GRM8: variants seen among roughly 807,000 people sequenced by gnomAD.
The protein encoded by GRM8 is metabotropic glutamate receptor 8.
GRM8 carries 47 observed loss-of-function variants against 87.2 expected under a neutral mutation model. The observed-to-expected ratio is 0.54, with a 90% CI of 0.43 to 0.69. GRM8 has a LOEUF of 0.69. GRM8 is among the 30% of genes least tolerant of loss of function. The probability of loss-of-function intolerance (pLI) is 0.00; values close to 1 mark genes in which losing one functional copy is unlikely to be tolerated. For missense variants in GRM8, 1,019 were observed against 1,139.2 expected (o/e 0.89, Z 1.52); for synonymous variants, 396 against 404.5 (o/e 0.98, Z 0.25).
chr7:126,862,558 T>C (rs138499187), intron 6 of GRM8, among the ~76,000 whole-genome samples: 1 of 152,188 alleles, frequency 6.6e-6, no homozygotes, highest in East Asian at 1.9e-4. Context: ...TTGCATAGGC[T>C]AGGACCTAGC....
At chr7:127,023,483 G>T (rs1816478498) in intron 3 of GRM8, among the ~76,000 whole-genome samples, 1 of 151,980 alleles carries the variant, frequency 6.6e-6, no homozygotes, top group Non-Finnish European at 1.5e-5. Context: ...CTTTCCAACT[G>T]TACATAAAAG....
chr7:127,183,243 T>C (rs917949134), intron 2 of GRM8, among the ~76,000 whole-genome samples: 6 of 151,872 alleles, frequency 4.0e-5, no homozygotes, highest in Non-Finnish European at 8.8e-5. Flanking sequence ...CCTTAACATG[T>C]ATGCACATCT....
In GRM8 at chr7:126,533,892, G is replaced by C. The variant is rs1231337816; in HGVS notation, c.1495-5C>G. 6.3e-7 allele frequency: 1 copy of C among 1,597,542 alleles called. No homozygotes were observed. The highest frequency in any genetic ancestry group is 1.7e-5 in the Admixed American group (1 of 57,168). ...AGCCCACTGCATGTCTTCCACCTGT[G>C]GGTATAAAAAATTAATGAGCCTTCC... On this transcript the variant is annotated splice_region_variant and splice_polypyrimidine_tract_variant and intron_variant, in intron 8 of 10. Coordinates refer to ENST00000339582, the MANE Select transcript of GRM8 (RefSeq NM_000845.3).
At chr7:127,077,236 C>G (rs1403839720) in intron 3 of GRM8, among the ~76,000 whole-genome samples, 1 of 152,220 alleles carries the variant, frequency 6.6e-6, no homozygotes, top group Non-Finnish European at 1.5e-5. Context: ...CTCTAGCCCT[C>G]TCTCTGGTGT....
intron 6 of GRM8, among the ~76,000 whole-genome samples, chr7:126,784,165 T>G (rs1432058818): frequency 2.0e-5 from 3 of 152,150 alleles, no homozygotes; most frequent in Non-Finnish European, 4.4e-5. Context: ...TTTGGCCCAG[T>G]AAGAACTGAA....
intron 3 of GRM8, among the ~76,000 whole-genome samples, chr7:126,973,783 T>C (rs1414313377): frequency 2.6e-5 from 4 of 152,204 alleles, no homozygotes; most frequent in Non-Finnish European, 5.9e-5. Context: ...CCATGATTAT[T>C]CTCAGTGAAA....
intron 6 of GRM8, among the ~76,000 whole-genome samples, chr7:126,814,302 C>T (rs1036249879): frequency 1.3e-5 from 2 of 152,030 alleles, no homozygotes; most frequent in Non-Finnish European, 2.9e-5. Flanking sequence ...ATTATTAGAA[C>T]AGACATTAGA....
intron 9 of GRM8, among the ~76,000 whole-genome samples, chr7:126,494,203 A>T (rs1260155302): frequency 1.3e-5 from 2 of 152,070 alleles, no homozygotes; most frequent in Non-Finnish European, 2.9e-5. Flanking sequence ...AGACAGCAGC[A>T]TGACTGTAAT....
intron 6 of GRM8, among the ~76,000 whole-genome samples, chr7:126,843,996 C>T (rs1419492): frequency 0.38 from 58,476 of 152,028 alleles, 11,998 homozygotes; most frequent in Non-Finnish European, 0.46. Flanking sequence ...ATTTTACAAC[C>T]AGCACTCACT....
At chr7:127,212,141 C>A (rs1446494992) in intron 2 of GRM8, among the ~76,000 whole-genome samples, 2 of 152,106 alleles carry the variant, frequency 1.3e-5, no homozygotes, top group East Asian at 3.9e-4. Flanking sequence ...AAATACAGCA[C>A]TTTAGAGGTG....
At chr7:126,814,751 C>A (rs1176642985) in intron 6 of GRM8, among the ~76,000 whole-genome samples, 3 of 151,216 alleles carry the variant, frequency 2.0e-5, no homozygotes, top group Non-Finnish European at 4.4e-5. Flanking sequence ...CATTCTAATG[C>A]CATTCTTATA....
rs542966478 is a variant in GRM8, at chr7:126,737,858, A to G, written c.1357+32007T>C. On this transcript the variant is annotated intron_variant, in intron 7 of 10. Coordinates refer to ENST00000339582, the MANE Select transcript of GRM8 (RefSeq NM_000845.3). ...CTTTGCAATTCAATTGCAGTATGGT[A>G]AGTGCTACCTACTGATAAAGGAGCA... Among the ~76,000 whole-genome samples, 4 of 152,216 alleles carry G rather than the reference A, an allele frequency of 2.6e-5. No homozygotes were observed. In the South Asian group the frequency reaches 6.2e-4, roughly 24 times the overall value.
chr7:126,507,133 T>A (rs1312975904), intron 9 of GRM8, among the ~76,000 whole-genome samples: 3 of 151,776 alleles, frequency 2.0e-5, no homozygotes, highest in Non-Finnish European at 2.9e-5. Flanking sequence ...CTAAAGAGGC[T>A]CTCAATGAAG....
rs117695068 is a variant in GRM8 at position 126,760,035 on chromosome 7, T to C, written c.1357+9830A>G. On this transcript the variant is annotated intron_variant, in intron 7 of 10. Coordinates refer to ENST00000339582, the MANE Select transcript of GRM8 (RefSeq NM_000845.3). ...TATTAGACATAAACTCCTTCAGAAA[T>C]TTTTCCCACCACCTCAAATCTTCTC... Among the ~76,000 whole-genome samples, 748 of 152,206 alleles carry C rather than the reference T, an allele frequency of 4.9e-3. 4 individuals are homozygous for C. The highest frequency in any genetic ancestry group is 8.0e-3 in the Non-Finnish European group (546 of 68,004).
rs777526377 is a variant in GRM8, at chr7:126,446,304, G to A, written c.2499C>T (p.Leu833=). 1 of 1,606,582 alleles carries A rather than the reference G, an allele frequency of 6.2e-7. No individual in the cohort carries two copies. Among genetic ancestry groups the A allele is most frequent in the Admixed American group, 1.7e-5 (1 of 59,794 alleles). The change falls in exon 10 of 11, where the codon CTC becomes CTT. Residue 833 remains leucine (L), a synonymous_variant. Coordinates refer to ENST00000339582, the MANE Select transcript of GRM8 (RefSeq NM_000845.3). The part of the protein sequence containing the change: ...SLSASVSLGM[L]YMPKVYIIIF... ...TTATAATATAAACCTTGGGCATATA[G>A]AGCATGCCCAGAGATACTGAAGCAC...
At chr7:126,484,881 T>TG (rs963546304) in intron 9 of GRM8, among the ~76,000 whole-genome samples, 2 of 117,198 alleles carry the variant, frequency 1.7e-5, no homozygotes, top group African/African-American at 7.2e-5. Context: ...AAACGTTTTT[T>TG]GTTTTTTTTT....
intron 6 of GRM8, 64 bp from the exon 7 acceptor site, chr7:126,770,129 G>A: frequency 9.4e-7 from 1 of 1,065,704 alleles, no homozygotes; most frequent in Non-Finnish European, 1.4e-6. Context: ...CAGCATTAGA[G>A]CTAAGATTTC....
intron 3 of GRM8, among the ~76,000 whole-genome samples, chr7:127,064,554 G>A (rs1467861750): frequency 1.3e-5 from 2 of 152,098 alleles, no homozygotes; most frequent in African/African-American, 4.8e-5. Context: ...CATACCATTG[G>A]ATCTTGCTTT....
intron 6 of GRM8, among the ~76,000 whole-genome samples, chr7:126,865,574 A>G (rs1298984640): frequency 1.3e-5 from 2 of 152,126 alleles, no homozygotes; most frequent in African/African-American, 4.8e-5. Context: ...CCACTCTTCA[A>G]TCATCCTGTT....
Sources: allele counts gnomAD v4.1 joint callset (sites outside exome capture counted in the v4.1 genomes callset), GRCh38; gene constraint gnomAD v4.1.1; transcripts MANE v1.5; gene names NCBI Gene and HGNC (gene_info 2026-07-23, HGNC 2026-07-21).